Variants in ZYG11B observed in about 807,000 individuals in gnomAD.
ZYG11B encodes the protein zyg-11 family member B, cell cycle regulator.
A neutral mutation model predicts 82.4 loss-of-function variants in ZYG11B; 36 were observed. The observed-to-expected ratio is 0.44, with a 90% confidence interval of 0.33 to 0.58. The LOEUF is 0.58. Ranked by LOEUF, ZYG11B falls within the 20% of genes least tolerant of loss-of-function variation. The pLI, the probability that ZYG11B is intolerant of heterozygous loss-of-function variation, is 0.02. For missense variants in ZYG11B, 552 were observed against 895.6 expected (o/e 0.62, Z 4.90); for synonymous variants, 303 against 312.8 (o/e 0.97, Z 0.33).
At chr1:52,785,249 G>A (rs1267135141) in intron 5 of ZYG11B, among the ~76,000 whole-genome samples, 196 bp downstream of exon 5, 1 of 152,056 alleles carries the variant, frequency 6.6e-6, no homozygotes, top group Non-Finnish European at 1.5e-5. Context: ...CATATATTGG[G>A]GGACATAATA....
intron 1 of ZYG11B, among the ~76,000 whole-genome samples, chr1:52,728,794 T>A (rs1038336546): frequency 2.0e-5 from 3 of 152,034 alleles, no homozygotes; most frequent in African/African-American, 7.2e-5. Context: ...ATATAGATCA[T>A]TTTGGGAAGG....
At position 52,789,988 on chromosome 1, in the gene ZYG11B, C is replaced by A; in HGVS notation, c.1270-15C>A. The A allele has an allele frequency of 6.5e-7, 1 of 1,543,176 alleles. No individual in the cohort carries two copies. Among genetic ancestry groups the A allele is most frequent in the Non-Finnish European group, 8.8e-7 (1 of 1,140,350 alleles). ...ATATTTTATTTAGGATTTTTTTCTT[C>A]CTTTGATTCTTTAGTTACAGAAGAA... On this transcript the variant is annotated splice_polypyrimidine_tract_variant and intron_variant, in intron 5 of 13. Coordinates refer to ENST00000294353, the MANE Select transcript of ZYG11B (RefSeq NM_024646.3).
intron 10 of ZYG11B, among the ~76,000 whole-genome samples, chr1:52,812,915 C>T (rs776874275): frequency 8.1e-5 from 12 of 148,850 alleles, no homozygotes; most frequent in Admixed American, 2.7e-4. Context: ...TTAGTAGAGA[C>T]GGGCTTTCTC....
chr1:52,733,647 C>T (rs1434148988), intron 1 of ZYG11B, among the ~76,000 whole-genome samples: 1 of 152,098 alleles, frequency 6.6e-6, no homozygotes, highest in African/African-American at 2.4e-5. Flanking sequence ...GGCAACAGAG[C>T]AAGACACTGT....
Position 52,776,229 on chromosome 1 carries a change from A to AAAAAATAT in ZYG11B, c.952-3623_952-3622insAAAATATA. Among the ~76,000 whole-genome samples the AAAAAATAT allele has an allele frequency of 2.4e-3, 57 of 23,546 alleles. 1 individual carries two copies. Among genetic ancestry groups the AAAAAATAT allele is most frequent in the African/African-American group, 4.7e-3 (50 of 10,554 alleles). The allele number at this position is 23,546 out of a possible 152,430, so 15.4% of individuals were successfully genotyped here. ...AGCAAAACTCTGTCTTAAAAAAAAAAATATATATATATATATGCAATAAAG... is the reference window on the plus strand; with the variant it reads ...AGCAAAACTCTGTCTTAAAAAAAAAAAAAAATATATATATATATATATATGCAATAAAG... On this transcript the variant is annotated intron_variant, in intron 3 of 13. Transcript: ENST00000294353.
chr1:52,771,469 A>C lies in ZYG11B; in HGVS notation c.646A>C (p.Met216Leu), dbSNP rs1167089294. 4 of 1,613,592 alleles carry C rather than the reference A, an allele frequency of 2.5e-6. No homozygotes were observed. In the South Asian group the frequency reaches 4.4e-5, roughly 18 times the overall value. ...ACKDRLKSLT[M>L]HHLKCLKMTT... is the part of the protein sequence containing the mutation. ...CAAAGACCGACTCAAGTCTCTAACC[A>C]TGCACCACTTGAAATGTTTAAAAAT... The change falls in exon 3 of 14, where the codon ATG (methionine) becomes CTG (leucine). Residue 216 changes from methionine to leucine, a missense_variant. Coordinates refer to ENST00000294353, the MANE Select transcript of ZYG11B (RefSeq NM_024646.3). This position sits in a 1 kb window ranked among gnomAD's most constrained non-coding sequence, Gnocchi z 5.4.
intron 2 of ZYG11B, among the ~76,000 whole-genome samples, chr1:52,760,333 A>G (rs1644617905): frequency 6.6e-6 from 1 of 152,014 alleles, no homozygotes; most frequent in African/African-American, 2.4e-5. Flanking sequence ...AATCCCAGCT[A>G]CTGAGGAGGC....
At chr1:52,772,929 G>A (rs1007480573) in intron 3 of ZYG11B, among the ~76,000 whole-genome samples, 2 of 151,884 alleles carry the variant, frequency 1.3e-5, no homozygotes, top group African/African-American at 2.4e-5. Flanking sequence ...TGCCCGCCTC[G>A]GCCTCCCAAA....
intron 1 of ZYG11B, among the ~76,000 whole-genome samples, chr1:52,748,534 AAAGACATCACAG>A (rs1333452096): frequency 6.6e-6 from 1 of 152,218 alleles, no homozygotes; most frequent in Non-Finnish European, 1.5e-5. Context: ...AGAAATTAGG[AAAGACATCACAG>A]AAGTAGTGAG....
At chr1:52,747,675 T>C (rs1393091730) in intron 1 of ZYG11B, among the ~76,000 whole-genome samples, 2 of 152,098 alleles carry the variant, frequency 1.3e-5, no homozygotes, top group African/African-American at 2.4e-5. Flanking sequence ...ACTTGAAGAG[T>C]TCATGGCTGA....
chr1:52,821,824 A>T lies in ZYG11B; in HGVS notation c.*195A>T. The T allele has an allele frequency of 2.2e-6, 1 of 453,248 alleles. No individual in the cohort carries two copies. Among genetic ancestry groups the T allele is most frequent in the Non-Finnish European group, 3.8e-6 (1 of 260,838 alleles). The allele number at this position is 453,248 out of a possible 1,614,324, so 28.1% of individuals were successfully genotyped here. On this transcript the variant is annotated 3_prime_UTR_variant, in exon 14 of 14. Transcript: ENST00000294353. ...TGTGATTTTAAACTTATGAGTCAAG[A>T]AGGGTCTCTTCCTTTATCATTGCCT...
rs1202923514 is a variant in ZYG11B, at chr1:52,799,499, CAAAA to C, written c.1486-2319_1486-2316del. ...AAGGCTCTGTCTCAAAAAAAAAAAA[CAAAA>C]GAAAGAAAAAAATAGCTGGGCACAG... is the stretch of plus-strand genomic sequence containing the variant. On this transcript the variant is annotated intron_variant, in intron 8 of 13. Coordinates refer to ENST00000294353, the MANE Select transcript of ZYG11B (RefSeq NM_024646.3). Among the ~76,000 whole-genome samples, 6 of 135,594 alleles carry C rather than the reference CAAAA, an allele frequency of 4.4e-5. No individual in the cohort carries two copies. The East Asian group carries it at 8.8e-4, about 20-fold the overall frequency. The allele number at this position is 135,594 out of a possible 152,430, so 89.0% of individuals were successfully genotyped here.
intron 13 of ZYG11B, among the ~76,000 whole-genome samples, chr1:52,818,773 T>A (rs2149968375): frequency 6.6e-6 from 1 of 152,050 alleles, no homozygotes; most frequent in Non-Finnish European, 1.5e-5. Context: ...AGTAGTAACA[T>A]TTAGTGAGAT....
intron 2 of ZYG11B, among the ~76,000 whole-genome samples, chr1:52,758,852 C>T (rs1404554656): frequency 1.3e-5 from 2 of 152,176 alleles, no homozygotes; most frequent in Non-Finnish European, 2.9e-5. Context: ...GTCCCTTACA[C>T]AGCTGCACAA....
At chr1:52,778,254 G>A (rs1450728527) in intron 3 of ZYG11B, among the ~76,000 whole-genome samples, 1 of 151,992 alleles carries the variant, frequency 6.6e-6, no homozygotes, top group Non-Finnish European at 1.5e-5. Context: ...TCTATCGTTT[G>A]GATTTGTAGA....
At chr1:52,783,803 T>TACACACACAC (rs1228904788) in intron 4 of ZYG11B, among the ~76,000 whole-genome samples, 3 of 56,998 alleles carry the variant, frequency 5.3e-5, no homozygotes, top group African/African-American at 2.4e-4. Context: ...TATATATATA[T>TACACACACAC]ATACACACAC....
chr1:52,800,828 G>A (rs953942932), intron 8 of ZYG11B, among the ~76,000 whole-genome samples: 15 of 151,844 alleles, frequency 9.9e-5, no homozygotes, highest in African/African-American at 3.6e-4. Context: ...TAAAAAAAAG[G>A]AATTAGTAAT....
chr1:52,736,275 T>TTTTATTTATTTA (rs58123684), intron 1 of ZYG11B, among the ~76,000 whole-genome samples: 1 of 149,554 alleles, frequency 6.7e-6, no homozygotes, highest in South Asian at 2.1e-4. Flanking sequence ...AATGAAAGTG[T>TTTTATTTATTTA]TTTATTTATT....
chr1:52,803,121 CACATATATATAT>C lies in ZYG11B; in HGVS notation c.1695+986_1695+997del, dbSNP rs1558140110. 8.1e-3 allele frequency among the ~76,000 whole-genome samples: 424 copies of C among 52,492 alleles called. 23 individuals carry two copies. Among genetic ancestry groups the C allele is most frequent in the African/African-American group, 0.034 (342 of 10,200 alleles). 34.4% of individuals were successfully genotyped at this position (52,492 alleles called of 152,430 possible). The stretch of plus-strand genomic sequence containing the variant: ...ATACATATATATATATATATATACA[CACATATATATAT>C]ACACACATATATATATATATACACA... On this transcript the variant is annotated intron_variant, in intron 10 of 13. Transcript: ENST00000294353.
Sources: allele counts gnomAD v4.1 joint callset (sites outside exome capture counted in the v4.1 genomes callset), GRCh38; gene constraint gnomAD v4.1.1; non-coding constraint Gnocchi (gnomAD v3.1); transcripts MANE v1.5; gene names NCBI Gene and HGNC (gene_info 2026-07-23, HGNC 2026-07-21).